The following KDM4C variants were observed in gnomAD, a reference collection of about 807,000 sequenced individuals.
KDM4C encodes the protein lysine-specific demethylase 4C.
A neutral mutation model predicts 129.3 loss-of-function variants in KDM4C; 81 were observed. That is an observed-to-expected ratio of 0.63 (90% CI 0.52 to 0.75). KDM4C has a LOEUF of 0.75. Among genes scored for constraint, KDM4C ranks in the 30% least tolerant of loss-of-function variants. The probability of loss-of-function intolerance (pLI) is 0.00; values close to 1 mark genes in which losing one functional copy is unlikely to be tolerated. For synonymous variants in KDM4C, 573 were observed against 456.1 expected (o/e 1.26, Z -3.26); for missense variants, 1,457 against 1,304.0 (o/e 1.12, Z -1.81).
chr9:7,041,791 G>A (rs374001553), intron 15 of KDM4C, among the ~76,000 whole-genome samples: 1 of 151,988 alleles, frequency 6.6e-6, no homozygotes, highest in Admixed American at 6.6e-5. Flanking sequence ...TTTCCCTTCT[G>A]CAGGGTCTGT....
At chr9:6,782,912 A>G (rs55850670) in intron 1 of KDM4C, among the ~76,000 whole-genome samples, 14,690 of 152,198 alleles carry the variant, frequency 0.097, 832 homozygotes, top group Non-Finnish European at 0.11. Context: ...CGGGATAGTA[A>G]TAGTTGGTAT....
chr9:6,774,197 A>G (rs1347060012), intron 1 of KDM4C, among the ~76,000 whole-genome samples: 1 of 152,014 alleles, frequency 6.6e-6, no homozygotes, highest in African/African-American at 2.4e-5. Context: ...CACCCTAGAC[A>G]TTGAAATTAA....
At chr9:6,927,330 G>A (rs568016817) in intron 8 of KDM4C, among the ~76,000 whole-genome samples, 23 of 152,168 alleles carry the variant, frequency 1.5e-4, no homozygotes, top group African/African-American at 3.4e-4. Context: ...GTGTTTTGCC[G>A]TGTTGGCCAG....
chr9:6,853,780 T>C (rs1287799748), intron 5 of KDM4C, among the ~76,000 whole-genome samples: 3 of 152,184 alleles, frequency 2.0e-5, no homozygotes, highest in Non-Finnish European at 4.4e-5. Context: ...TTGGAATGAA[T>C]ATTGACTTTG....
At chr9:6,972,529 AT>A (rs1173107014) in intron 8 of KDM4C, among the ~76,000 whole-genome samples, 2 of 152,338 alleles carry the variant, frequency 1.3e-5, no homozygotes, top group African/African-American at 4.8e-5. Flanking sequence ...GCTTAGGAAA[AT>A]GCCACCAGTT....
chr9:6,799,642 C>CT (rs1052629844), intron 2 of KDM4C, among the ~76,000 whole-genome samples: 2,799 of 121,484 alleles, frequency 0.023, 73 homozygotes, highest in African/African-American at 0.061. Context: ...TTTTTCTTTT[C>CT]TTTTTTTTTT....
At chr9:7,082,567 C>T (rs1293911596) in intron 17 of KDM4C, among the ~76,000 whole-genome samples, 1 of 152,182 alleles carries the variant, frequency 6.6e-6, no homozygotes, top group Non-Finnish European at 1.5e-5. Flanking sequence ...CCGTGAGTCT[C>T]AGGGTGCCTT....
chr9:6,810,213 TTATACATA>T (rs1288293180), intron 3 of KDM4C, among the ~76,000 whole-genome samples: 1 of 152,202 alleles, frequency 6.6e-6, no homozygotes, highest in African/African-American at 2.4e-5. Flanking sequence ...AGTACACATT[TTATACATA>T]TCTCTGTTAA....
At chr9:6,847,788 G>T (rs1269467969) in intron 4 of KDM4C, among the ~76,000 whole-genome samples, 2 of 152,132 alleles carry the variant, frequency 1.3e-5, no homozygotes, top group African/African-American at 4.8e-5. Context: ...AGAGAATTTG[G>T]GAATTAAATT....
chr9:6,786,373 A>G (rs944363599), intron 1 of KDM4C, among the ~76,000 whole-genome samples: 1 of 152,212 alleles, frequency 6.6e-6, no homozygotes, highest in African/African-American at 2.4e-5. Context: ...TCTTTAGCTT[A>G]TTAAAAAAAT....
At chr9:7,059,137 T>A (rs1008687426) in intron 17 of KDM4C, among the ~76,000 whole-genome samples, 1 of 152,194 alleles carries the variant, frequency 6.6e-6, no homozygotes, top group Admixed American at 6.5e-5. Context: ...TGTAACTCAG[T>A]GACAGTATTT....
intron 17 of KDM4C, among the ~76,000 whole-genome samples, chr9:7,070,026 T>G (rs781536065): frequency 6.6e-6 from 1 of 151,980 alleles, no homozygotes; most frequent in Admixed American, 6.6e-5. Context: ...AAAAATAAAT[T>G]TAGCTAAATC....
intron 5 of KDM4C, among the ~76,000 whole-genome samples, chr9:6,874,514 A>C (rs1843272970): frequency 1.3e-5 from 2 of 152,230 alleles, no homozygotes. Context: ...AATAAAGTAC[A>C]AACATGTTGC....
At position 6,780,909 on chromosome 9, in the gene KDM4C, A is replaced by G. The variant is rs180916705; in HGVS notation, c.-17-12063A>G. ...TTGAGCTCATGATTTCATTATGCCT[A>G]TGATGATTCAGTCTTGGCTTTTTGG... On this transcript the variant is annotated intron_variant, in intron 1 of 21. Coordinates refer to ENST00000381309, the MANE Select transcript of KDM4C (RefSeq NM_015061.6). Among the ~76,000 whole-genome samples the G allele has an allele frequency of 3.4e-4, 51 of 151,992 alleles. 1 individual carries two copies. In the East Asian group the frequency reaches 8.5e-3, roughly 25 times the overall value.
intron 15 of KDM4C, among the ~76,000 whole-genome samples, chr9:7,041,789 C>T (rs1023701079): frequency 3.3e-5 from 5 of 152,042 alleles, no homozygotes; most frequent in Admixed American, 6.6e-5. Context: ...ACTTTCCCTT[C>T]TGCAGGGTCT....
rs1266745058 is a variant in KDM4C, at chr9:6,991,248, TA to T, written c.1786+734del. 6.9e-3 allele frequency among the ~76,000 whole-genome samples: 1,036 copies of T among 151,076 alleles called. 10 individuals are homozygous for T. The highest frequency in any genetic ancestry group is 0.024 in the African/African-American group (987 of 41,174). On this transcript the variant is annotated intron_variant, in intron 12 of 21. Coordinates refer to ENST00000381309, the MANE Select transcript of KDM4C (RefSeq NM_015061.6). The stretch of plus-strand genomic sequence containing the variant: ...CATGCACCATCATGCTTGGTTAATT[TA>T]AAAAAAAAATTTTTTTTTGTAGAGA...
chr9:6,902,804 T>A (rs1257006431), intron 8 of KDM4C: 5 of 152,210 alleles, frequency 3.3e-5, no homozygotes, highest in African/African-American at 9.7e-5. Context: ...TTTTACTGAC[T>A]TCTCACTCGC....
chr9:6,894,681 TTGCATTTCCACATTTCCA>T (rs1846579383), intron 8 of KDM4C, among the ~76,000 whole-genome samples: 1 of 152,006 alleles, frequency 6.6e-6, no homozygotes, highest in Non-Finnish European at 1.5e-5. Flanking sequence ...TACATTGGAG[TTGCATTTCCACATTTCCA>T]TGTGGAAGTA....
At chr9:7,000,649 T>C (rs1820562928) in intron 12 of KDM4C, among the ~76,000 whole-genome samples, 1 of 152,224 alleles carries the variant, frequency 6.6e-6, no homozygotes, top group African/African-American at 2.4e-5. Context: ...TATATGAAAT[T>C]GTCAATATTT....
Sources: gnomAD v4.1 joint callset for allele counts (sites outside exome capture counted in the v4.1 genomes callset) on GRCh38, gnomAD v4.1.1 for gene constraint, MANE v1.5 for transcripts, NCBI Gene and HGNC (gene_info 2026-07-23, HGNC 2026-07-21) for gene names.